Variants in IGSF11 observed in about 807,000 individuals in gnomAD.
IGSF11 encodes CXADR like 1.
A neutral mutation model predicts 41.0 loss-of-function variants in IGSF11; 22 were observed. That is an observed-to-expected ratio of 0.54 (90% CI 0.38 to 0.77). The LOEUF is 0.77. Ranked by LOEUF, IGSF11 falls within the 30% of genes least tolerant of loss-of-function variation. IGSF11 has a pLI of 0.00. For synonymous variants in IGSF11, 219 were observed against 201.3 expected, an observed-to-expected ratio of 1.09 and a Z score of -0.74; for missense variants, 444 against 530.8, an observed-to-expected ratio of 0.84 and a Z score of 1.61.
intron 1 of IGSF11, among the ~76,000 whole-genome samples, chr3:118,979,889 T>C (rs182761421): frequency 2.4e-4 from 36 of 152,084 alleles, no homozygotes; most frequent in Middle Eastern, 3.4e-3. Context: ...GACATACAAA[T>C]GGCCAACAGG....
At chr3:119,054,799 G>C (rs1030914822) in intron 1 of IGSF11, among the ~76,000 whole-genome samples, 1 of 152,148 alleles carries the variant, frequency 6.6e-6, no homozygotes, top group South Asian at 2.1e-4. Flanking sequence ...ATCAACCAAT[G>C]AGTGGATAAA....
chr3:118,961,289 C>T (rs1410698668), intron 1 of IGSF11, among the ~76,000 whole-genome samples: 1 of 152,224 alleles, frequency 6.6e-6, no homozygotes, highest in Non-Finnish European at 1.5e-5. Context: ...GTTGACTCTG[C>T]TAACAAAGTC....
At chr3:119,141,042 T>TA (rs35323898) in intron 1 of IGSF11, among the ~76,000 whole-genome samples, 55,354 of 99,710 alleles carry the variant, frequency 0.56, 16,072 homozygotes, top group Middle Eastern at 0.65. Context: ...TCTGTCTCAT[T>TA]AAAAAAAAAA....
intron 1 of IGSF11, among the ~76,000 whole-genome samples, chr3:119,141,057 A>C (rs2077641597): frequency 6.6e-6 from 1 of 151,088 alleles, no homozygotes; most frequent in Non-Finnish European, 1.5e-5. Context: ...AAAAAAAAAA[A>C]AAAATACAAA....
chr3:119,007,785 A>C (rs1272586976), intron 1 of IGSF11, among the ~76,000 whole-genome samples: 1 of 152,174 alleles, frequency 6.6e-6, no homozygotes, highest in East Asian at 1.9e-4. Flanking sequence ...GCCTTCAAAA[A>C]AGCAAAGATC....
chr3:119,134,945 A>C (rs2077539353), intron 1 of IGSF11, among the ~76,000 whole-genome samples: 1 of 152,216 alleles, frequency 6.6e-6, no homozygotes, highest in Non-Finnish European at 1.5e-5. Flanking sequence ...CAAACCTAAC[A>C]AAAACAAGAA....
At chr3:118,990,659 C>T (rs1935703064) in intron 1 of IGSF11, among the ~76,000 whole-genome samples, 1 of 152,144 alleles carries the variant, frequency 6.6e-6, no homozygotes, top group Admixed American at 6.5e-5. Flanking sequence ...ATGTACAGAG[C>T]AGTATTGTAG....
intron 1 of IGSF11, among the ~76,000 whole-genome samples, chr3:118,975,702 A>G (rs1411355300): frequency 1.3e-5 from 2 of 152,128 alleles, no homozygotes; most frequent in African/African-American, 4.8e-5. Context: ...AAAGAATGAT[A>G]TCATGTCCTT....
At chr3:119,050,436 C>T (rs1335735237) in intron 1 of IGSF11, among the ~76,000 whole-genome samples, 1 of 152,236 alleles carries the variant, frequency 6.6e-6, no homozygotes, top group Admixed American at 6.5e-5. Context: ...CAAATCAAAA[C>T]CACAATGAGA....
At chr3:118,967,170 A>C (rs539664030) in intron 1 of IGSF11, among the ~76,000 whole-genome samples, 45 of 152,196 alleles carry the variant, frequency 3.0e-4, no homozygotes, top group Admixed American at 5.2e-4. Flanking sequence ...GCCAAAAAAA[A>C]CCAAAAGACT....
intron 1 of IGSF11, among the ~76,000 whole-genome samples, chr3:119,135,506 C>A (rs2077548260): frequency 6.6e-6 from 1 of 152,164 alleles, no homozygotes; most frequent in Non-Finnish European, 1.5e-5. Context: ...ATCAAAATCA[C>A]AATGAGATAT....
exon 1 of IGSF11, chr3:119,145,836 A>G: frequency 4.6e-6 from 1 of 216,678 alleles, no homozygotes; most frequent in South Asian, 9.3e-5. Context: ...TCTTTCTCAC[A>G]CACTGCGGAG....
At chr3:119,106,554 G>A (rs1363082688), upstream of IGSF11, among the ~76,000 whole-genome samples, 2 of 152,040 alleles carry the variant, frequency 1.3e-5, no homozygotes, top group African/African-American at 2.4e-5. Context: ...TTTTATGGCT[G>A]AATAGTACTC....
upstream of IGSF11, among the ~76,000 whole-genome samples, chr3:119,037,006 G>C (rs1259159559): frequency 6.6e-6 from 1 of 152,222 alleles, no homozygotes; most frequent in Non-Finnish European, 1.5e-5. Context: ...AAGCAGATCA[G>C]GAGTACTAGA....
chr3:119,141,574 GA>G (rs1446247810), intron 1 of IGSF11, among the ~76,000 whole-genome samples: 1 of 148,536 alleles, frequency 6.7e-6, no homozygotes, highest in Non-Finnish European at 1.5e-5. Flanking sequence ...AATAAGTAAT[GA>G]AAAAAGGGAC....
chr3:119,100,305 C>T (rs1483072475), intron 1 of IGSF11, among the ~76,000 whole-genome samples: 1 of 152,132 alleles, frequency 6.6e-6, no homozygotes, highest in African/African-American at 2.4e-5. Flanking sequence ...GAAAAAGACA[C>T]AGATATAAGA....
chr3:118,930,078 CT>C, intron 2 of IGSF11, 33 bp downstream of exon 2: 1 of 1,587,978 alleles, frequency 6.3e-7, no homozygotes, highest in East Asian at 2.3e-5. Context: ...AAAGATTAAC[CT>C]TTTAGAGGTA....
intron 1 of IGSF11, among the ~76,000 whole-genome samples, chr3:119,047,582 G>C (rs965296656): frequency 1.3e-5 from 2 of 152,294 alleles, no homozygotes; most frequent in South Asian, 2.1e-4. Context: ...ACATTAGACA[G>C]ACCAATGAGA....
At chr3:119,100,401 A>G (rs992893863) in intron 1 of IGSF11, among the ~76,000 whole-genome samples, 8 of 152,226 alleles carry the variant, frequency 5.3e-5, no homozygotes, top group African/African-American at 1.9e-4. Context: ...AAGAGAATAA[A>G]GAAGTCCCTG....
Sources: allele counts gnomAD v4.1 joint callset (sites outside exome capture counted in the v4.1 genomes callset), GRCh38; gene constraint gnomAD v4.1.1; transcripts MANE v1.5; gene names NCBI Gene and HGNC (gene_info 2026-07-23, HGNC 2026-07-21).